Variants in FAP observed in about 807,000 individuals in gnomAD.
FAP encodes fibroblast activation protein alpha, also known as prolyl endopeptidase FAP.
A neutral mutation model predicts 126.5 loss-of-function variants in FAP; 110 were observed. The observed-to-expected ratio is 0.87, with a 90% CI of 0.74 to 1.02. The LOEUF (loss-of-function observed/expected upper bound fraction) is 1.02, where lower values mean the gene tolerates loss of function less well. Among genes scored for constraint, FAP ranks in the 50% least tolerant of loss-of-function variants. The pLI, the probability that FAP is intolerant of heterozygous loss-of-function variation, is 0.00. For missense variants in FAP, 919 were observed against 909.2 expected (o/e 1.01, Z -0.14); for synonymous variants, 334 against 297.3 (o/e 1.12, Z -1.27).
At chr2:162,221,203 G>C (rs916118172) in intron 6 of FAP, among the ~76,000 whole-genome samples, 2 of 152,086 alleles carry the variant, frequency 1.3e-5, no homozygotes, top group African/African-American at 4.8e-5. Flanking sequence ...CAGGCCCCTG[G>C]GTGATCGGGA....
At chr2:162,216,061 A>G in intron 9 of FAP, 60 bp from the exon 10 acceptor site, 1 of 1,219,390 alleles carries the variant, frequency 8.2e-7, no homozygotes, top group Non-Finnish European at 1.2e-6. Context: ...AACATTTTAA[A>G]GAAACTTTAG....
chr2:162,208,410 G>A (rs1176098805), intron 12 of FAP, among the ~76,000 whole-genome samples: 5 of 152,148 alleles, frequency 3.3e-5, no homozygotes, highest in Admixed American at 6.6e-5. Flanking sequence ...GCATTCTAAA[G>A]TGTTTCAGTG....
intron 16 of FAP, 48 bp from the exon 17 acceptor site, chr2:162,194,796 A>G: frequency 1.3e-6 from 2 of 1,551,836 alleles, no homozygotes; most frequent in Non-Finnish European, 1.8e-6. Context: ...TAAAATAACA[A>G]TTCCTTTTCA....
intron 7 of FAP, 89 bp downstream of exon 7, chr2:162,219,763 CT>C (rs778925897): frequency 2.3e-5 from 19 of 840,580 alleles, no homozygotes; most frequent in Middle Eastern, 5.5e-4. Flanking sequence ...ATTTTTTTTT[CT>C]TTCAGGCAGG....
In FAP at chr2:162,210,006, A is replaced by G; in HGVS notation, c.1003-10T>C. The G allele has an allele frequency of 6.2e-7, 1 of 1,611,464 alleles. No individual in the cohort carries two copies. Among genetic ancestry groups the G allele is most frequent in the Non-Finnish European group, 8.5e-7 (1 of 1,178,460 alleles). ...CTATATGCTCCTGGGTCTAAAAGACAAAAGATCACATCGAACATAGTATTA... is the reference window on the plus strand; with the variant it reads ...CTATATGCTCCTGGGTCTAAAAGACGAAAGATCACATCGAACATAGTATTA... On this transcript the variant is annotated splice_polypyrimidine_tract_variant and intron_variant, in intron 11 of 25. Transcript: ENST00000188790.
rs1332003844 is a variant in FAP at position 162,224,435 on chromosome 2, A to G, written c.360+31T>C. On this transcript the variant is annotated intron_variant, in intron 5 of 25. Transcript: ENST00000188790. ...ACCTTGTGGATTAGTAGGAGATACA[A>G]TTGGATATAACCAAATTAAATAGTT... 2.2e-6 allele frequency: 3 copies of G among 1,340,068 alleles called. No homozygotes were observed. The East Asian group carries it at 7.1e-5, about 32-fold the overall frequency. The allele number at this position is 1,340,068 out of a possible 1,614,324, so 83.0% of individuals were successfully genotyped here. A position where few individuals can be genotyped will look rare whatever the true frequency, so the allele number is the denominator to read the frequency against.
intron 3 of FAP, among the ~76,000 whole-genome samples, chr2:162,226,303 T>C (rs1267791593): frequency 6.6e-6 from 1 of 152,140 alleles, no homozygotes; most frequent in Non-Finnish European, 1.5e-5. Context: ...AACTTTTCCT[T>C]CTCTATTTAA....
intron 6 of FAP, among the ~76,000 whole-genome samples, chr2:162,220,170 T>C (rs1689330505): frequency 6.6e-6 from 1 of 152,164 alleles, no homozygotes; most frequent in African/African-American, 2.4e-5. Context: ...ACCTTTATAG[T>C]GAGGTGAATG....
intron 11 of FAP, among the ~76,000 whole-genome samples, chr2:162,213,155 A>G (rs971029112): frequency 3.0e-4 from 46 of 152,204 alleles, no homozygotes; most frequent in Non-Finnish European, 5.7e-4. Context: ...AGGCGGGTGG[A>G]TCATGAGGTC....
intron 3 of FAP, 47 bp downstream of exon 3, chr2:162,226,476 A>T: frequency 9.6e-7 from 1 of 1,037,964 alleles, no homozygotes; most frequent in Non-Finnish European, 1.4e-6. Flanking sequence ...AATAAAAACC[A>T]AACAAAATAC....
At chr2:162,208,910 A>C (rs1394864963) in intron 12 of FAP, among the ~76,000 whole-genome samples, 1 of 152,074 alleles carries the variant, frequency 6.6e-6, no homozygotes, top group East Asian at 1.9e-4. Context: ...ATAATAAATA[A>C]AGTAACTATT....
intron 10 of FAP, among the ~76,000 whole-genome samples, chr2:162,214,717 G>A (rs902426134): frequency 2.0e-5 from 3 of 151,788 alleles, no homozygotes; most frequent in South Asian, 2.1e-4. Context: ...TTAATGTAAA[G>A]GAAATCACAA....
intron 12 of FAP, among the ~76,000 whole-genome samples, chr2:162,207,639 G>C (rs1576168469): frequency 6.7e-6 from 1 of 148,886 alleles, no homozygotes; most frequent in Middle Eastern, 4.2e-3. Context: ...ATGCCATTTA[G>C]TTGGGAATGA....
intron 18 of FAP, among the ~76,000 whole-genome samples, chr2:162,189,411 C>T (rs569576008): frequency 2.0e-5 from 3 of 151,778 alleles, no homozygotes; most frequent in South Asian, 2.1e-4. Context: ...TAGATAAGCT[C>T]TTTTTAAAAA....
chr2:162,231,083 G>A (rs144267713), intron 2 of FAP, among the ~76,000 whole-genome samples: 2 of 152,220 alleles, frequency 1.3e-5, no homozygotes, highest in East Asian at 3.9e-4. Flanking sequence ...TCTTCTTTAA[G>A]TATATTCCCT....
At chr2:162,196,132 T>C (rs1316562455) in intron 16 of FAP, among the ~76,000 whole-genome samples, 2 of 152,188 alleles carry the variant, frequency 1.3e-5, no homozygotes, top group Admixed American at 1.3e-4. Context: ...TTTGTGTAAG[T>C]ATAATTCTGG....
At chr2:162,172,604 T>A in intron 25 of FAP, 1 of 517,840 alleles carries the variant, frequency 1.9e-6, no homozygotes, top group South Asian at 2.9e-5. Context: ...ATGACTCAAC[T>A]GGGAACACGA....
At chr2:162,180,359 T>C (rs1687655345) in intron 21 of FAP, among the ~76,000 whole-genome samples, 1 of 152,184 alleles carries the variant, frequency 6.6e-6, no homozygotes, top group Admixed American at 6.6e-5. Context: ...GCAATTAGAA[T>C]AAATTGAAGT....
At chr2:162,225,727 GGT>G in intron 3 of FAP, 150 bp from the exon 4 acceptor site, 1 of 744,968 alleles carries the variant, frequency 1.3e-6, no homozygotes, top group Non-Finnish European at 1.9e-6. Flanking sequence ...ATAGTAAGTT[GGT>G]GGTAGAGGAA....
Sources: gnomAD v4.1 joint callset for allele counts (sites outside exome capture counted in the v4.1 genomes callset) on GRCh38, gnomAD v4.1.1 for gene constraint, MANE v1.5 for transcripts, NCBI Gene and HGNC (gene_info 2026-07-23, HGNC 2026-07-21) for gene names.